TAF2: variants seen among roughly 807,000 people sequenced by gnomAD.
TAF2 encodes the protein TATA-box binding protein associated factor 2.
Under a neutral mutation model 138.5 loss-of-function variants are expected in TAF2, and 61 were observed. That is an observed-to-expected ratio of 0.44 (90% confidence interval 0.36 to 0.54). TAF2 has a LOEUF of 0.54. Ranked by LOEUF, TAF2 falls within the 20% of genes least tolerant of loss-of-function variation. TAF2 has a pLI of 0.00. For synonymous variants in TAF2, 475 were observed against 469.9 expected (o/e 1.01, Z -0.14); for missense variants, 1,090 against 1,427.9 (o/e 0.76, Z 3.81).
chr8:119,831,786 T>C, intron 1 of TAF2, 55 bp from the exon 2 acceptor site: 1 of 1,176,450 alleles, frequency 8.5e-7, no homozygotes, highest in Non-Finnish European at 1.2e-6. Context: ...TATTATTAAA[T>C]CAAAGTATAA....
chr8:119,797,275 A>G (rs189201040), intron 7 of TAF2, among the ~76,000 whole-genome samples, 172 bp from the exon 8 acceptor site: 1 of 152,282 alleles, frequency 6.6e-6, no homozygotes, highest in East Asian at 1.9e-4. Flanking sequence ...TAACTTGCTT[A>G]AAGCAAAGAA....
chr8:119,824,154 G>A (rs1224204745), intron 2 of TAF2, among the ~76,000 whole-genome samples: 1 of 152,096 alleles, frequency 6.6e-6, no homozygotes, highest in Non-Finnish European at 1.5e-5. Flanking sequence ...ATCCGGGCCG[G>A]GCATGGCGGC....
At chr8:119,770,923 T>C (rs10109808) in intron 18 of TAF2, among the ~76,000 whole-genome samples, 41,253 of 151,866 alleles carry the variant, frequency 0.27, 6,859 homozygotes, top group Admixed American at 0.46. Context: ...TACAAAAAAT[T>C]AGCTGGGCCT....
rs35710501 is a variant in TAF2 at position 119,825,851 on chromosome 8, A to ATTTT, written c.138+5822_138+5825dup. 8.6e-3 allele frequency among the ~76,000 whole-genome samples: 1,242 copies of ATTTT among 144,952 alleles called. 15 individuals carry two copies. Among genetic ancestry groups the ATTTT allele is most frequent in the African/African-American group, 0.03 (1,182 of 39,318 alleles). On this transcript the variant is annotated intron_variant, in intron 2 of 25. Transcript: ENST00000378164. ...AGGTGCCCACCGCCACGCCTGGCTA[A>ATTTT]TTTTTTTTTTTTTTGTATTTTTAGT...
In TAF2 at chr8:119,821,691, C is replaced by G. The variant is rs181306272; in HGVS notation, c.139-2185G>C. Among the ~76,000 whole-genome samples the G allele has an allele frequency of 8.7e-4, 132 of 152,322 alleles. 1 individual carries two copies. The highest frequency in any genetic ancestry group is 7.5e-4 in the Non-Finnish European group (51 of 68,038). ...ATATTGAGCTAGTAACTCCAGCCCA[C>G]TGTGCCTCAGTTTCCTCATAAAAAA... On this transcript the variant is annotated intron_variant, in intron 2 of 25. Coordinates refer to ENST00000378164, the MANE Select transcript of TAF2 (RefSeq NM_003184.4).
chr8:119,808,725 C>T (rs1222281192), intron 3 of TAF2, among the ~76,000 whole-genome samples: 1 of 152,216 alleles, frequency 6.6e-6, no homozygotes, highest in Admixed American at 6.5e-5. Flanking sequence ...CAGTATTAAT[C>T]TCCTAGTACA....
intron 3 of TAF2, among the ~76,000 whole-genome samples, chr8:119,810,832 TTAA>T (rs574408738): frequency 1.3e-5 from 2 of 152,192 alleles, no homozygotes; most frequent in Non-Finnish European, 2.9e-5. Flanking sequence ...ACATTACATA[TTAA>T]TTAGTTTTTT....
Position 119,831,664 on chromosome 8 carries a change from A to G in TAF2, c.138+13T>C. The G allele has an allele frequency of 6.3e-7, 1 of 1,595,072 alleles. No individual in the cohort carries two copies. The highest frequency in any genetic ancestry group is 8.6e-7 in the Non-Finnish European group (1 of 1,165,104). ...GACTTGTTACTATTTATAATTGTTG[A>G]GAATAAACTTACCACAACAGATTTT... is the stretch of plus-strand genomic sequence containing the variant. On this transcript the variant is annotated intron_variant, in intron 2 of 25. Transcript: ENST00000378164.
At chr8:119,827,079 G>C (rs542685170) in intron 2 of TAF2, among the ~76,000 whole-genome samples, 8 of 152,152 alleles carry the variant, frequency 5.3e-5, no homozygotes, top group Non-Finnish European at 1.0e-4. Context: ...TGTGGTCCCA[G>C]CTACTCAGGA....
intron 3 of TAF2, among the ~76,000 whole-genome samples, chr8:119,816,229 T>C (rs1294692478): frequency 6.6e-6 from 1 of 151,584 alleles, no homozygotes; most frequent in Non-Finnish European, 1.5e-5. Context: ...TTTTTGTATT[T>C]TTTTTTTTTA....
At chr8:119,757,644 T>A (rs1820786983) in intron 21 of TAF2, among the ~76,000 whole-genome samples, 1 of 151,896 alleles carries the variant, frequency 6.6e-6, no homozygotes. Flanking sequence ...TCCTAGCACT[T>A]TGGGAGGCCC....
At position 119,746,618 on chromosome 8, in the gene TAF2, A is replaced by T. The variant is rs548827563; in HGVS notation, c.3108+87T>A. ...ACAAGAAACTGTGTTAGTGGCTATA[A>T]AATTCACTAGTTCACAGGAAACAAT... is the stretch of plus-strand genomic sequence containing the variant. On this transcript the variant is annotated intron_variant, in intron 23 of 25. Coordinates refer to ENST00000378164, the MANE Select transcript of TAF2 (RefSeq NM_003184.4). 2.9e-6 allele frequency: 4 copies of T among 1,392,758 alleles called. No individual in the cohort carries two copies. The South Asian group carries it at 4.6e-5, about 16-fold the overall frequency. The allele number at this position is 1,392,758 out of a possible 1,614,324, so 86.3% of individuals were successfully genotyped here.
At chr8:119,808,546 A>C (rs1824826665) in intron 3 of TAF2, among the ~76,000 whole-genome samples, 1 of 152,200 alleles carries the variant, frequency 6.6e-6, no homozygotes, top group Non-Finnish European at 1.5e-5. Flanking sequence ...CAGAATGGTG[A>C]ATCCTTTTCA....
chr8:119,785,394 T>A (rs553288813), intron 14 of TAF2, 128 bp from the exon 15 acceptor site: 1 of 655,908 alleles, frequency 1.5e-6, no homozygotes, highest in East Asian at 2.8e-5. Flanking sequence ...AAAATGGCTA[T>A]CAAATGTAAT....
intron 25 of TAF2, among the ~76,000 whole-genome samples, chr8:119,737,924 A>G (rs1819339535): frequency 6.6e-6 from 1 of 152,180 alleles, no homozygotes; most frequent in Non-Finnish European, 1.5e-5. Flanking sequence ...ATGCTCATGC[A>G]TATGTGAAAA....
At chr8:119,742,088 C>A (rs972515267) in intron 25 of TAF2, among the ~76,000 whole-genome samples, 1 of 152,066 alleles carries the variant, frequency 6.6e-6, no homozygotes, top group South Asian at 2.1e-4. Flanking sequence ...ATTATATACA[C>A]GAGTGGGGGA....
At chr8:119,791,740 A>G (rs1043578008) in intron 10 of TAF2, 4 of 348,906 alleles carry the variant, frequency 1.1e-5, no homozygotes, top group Admixed American at 4.4e-5. Flanking sequence ...AAATCCATCA[A>G]TACAATCAGT....
intron 18 of TAF2, chr8:119,762,897 A>G (rs1026663297): frequency 1.7e-5 from 4 of 236,262 alleles, no homozygotes; most frequent in Non-Finnish European, 3.3e-5. Context: ...CCAGAGAAAC[A>G]GAAAAGAGAA....
chr8:119,735,078 C>A (rs887824003), intron 25 of TAF2, among the ~76,000 whole-genome samples: 57 of 152,216 alleles, frequency 3.7e-4, no homozygotes, highest in African/African-American at 1.3e-3. Context: ...GTGGTACTGG[C>A]AGGTCTGAGG....
Sources: allele counts gnomAD v4.1 joint callset (sites outside exome capture counted in the v4.1 genomes callset), GRCh38; gene constraint gnomAD v4.1.1; transcripts MANE v1.5; gene names NCBI Gene and HGNC (gene_info 2026-07-23, HGNC 2026-07-21).